AGTR1: variants seen among roughly 807,000 people sequenced by gnomAD.
AGTR1 encodes the protein angiotensin II receptor type 1.
Under a neutral mutation model 19.4 loss-of-function variants are expected in AGTR1, and 16 were observed. The ratio of observed to expected loss-of-function variants is 0.82; its 90% confidence interval spans 0.56 to 1.25. The LOEUF (loss-of-function observed/expected upper bound fraction) is 1.25. AGTR1 is among the 50% of genes most tolerant of loss of function. The pLI is 0.00. For missense variants in AGTR1, 373 were observed against 431.9 expected (o/e 0.86, Z 1.21); for synonymous variants, 153 against 154.9 (o/e 0.99, Z 0.09).
chr3:148,726,500 C>T (rs1713951934), intron 2 of AGTR1, among the ~76,000 whole-genome samples: 1 of 152,192 alleles, frequency 6.6e-6, no homozygotes, highest in South Asian at 2.1e-4. Context: ...AGCCAACATG[C>T]CTGGCCTGCA....
chr3:148,720,507 A>G (rs1021859805), intron 2 of AGTR1, among the ~76,000 whole-genome samples: 1 of 152,200 alleles, frequency 6.6e-6, no homozygotes, highest in Non-Finnish European at 1.5e-5. Context: ...TATATTAACA[A>G]GCTGTAGCAT....
At chr3:148,709,808 C>T (rs950341149) in intron 2 of AGTR1, among the ~76,000 whole-genome samples, 1 of 152,138 alleles carries the variant, frequency 6.6e-6, no homozygotes, top group African/African-American at 2.4e-5. Flanking sequence ...ATGTAAACAG[C>T]ACTTCAGAGC....
At position 148,742,421 on chromosome 3, in the gene AGTR1, G is replaced by A. The variant is rs1483616249; in HGVS notation, c.*306G>A. 1 of 459,172 alleles carries A rather than the reference G, an allele frequency of 2.2e-6. No homozygotes were observed. 28.4% of individuals were successfully genotyped at this position (459,172 alleles called of 1,614,324 possible). Reference sequence around the variant, plus strand: ...GACAGAAATGCAATCTCCCTAGCCTGCTTTTGTCCTGTTATTTTTTATTTC... The same window carrying A: ...GACAGAAATGCAATCTCCCTAGCCTACTTTTGTCCTGTTATTTTTTATTTC... On this transcript the variant is annotated 3_prime_UTR_variant, in exon 3 of 3. Coordinates refer to ENST00000349243, the MANE Select transcript of AGTR1 (RefSeq NM_000685.5).
chr3:148,701,899 T>G (rs1712369305), intron 1 of AGTR1, among the ~76,000 whole-genome samples: 1 of 152,162 alleles, frequency 6.6e-6, no homozygotes, highest in Admixed American at 6.5e-5. Context: ...GAAATTTTAT[T>G]TAGTTCAATG....
chr3:148,720,464 A>C (rs1343237206), intron 2 of AGTR1, among the ~76,000 whole-genome samples: 1 of 152,218 alleles, frequency 6.6e-6, no homozygotes, highest in East Asian at 1.9e-4. Flanking sequence ...GCCTCTTGCA[A>C]ACTTTTAACA....
chr3:148,722,491 A>G (rs1385974282), intron 2 of AGTR1, among the ~76,000 whole-genome samples: 1 of 152,166 alleles, frequency 6.6e-6, no homozygotes, highest in Non-Finnish European at 1.5e-5. Flanking sequence ...TGAATACTTC[A>G]TGCTTCATCC....
At chr3:148,711,371 T>C (rs1712974662) in intron 2 of AGTR1, among the ~76,000 whole-genome samples, 1 of 152,166 alleles carries the variant, frequency 6.6e-6, no homozygotes, top group Non-Finnish European at 1.5e-5. Context: ...AATAGCTATA[T>C]AACTAGCTGT....
At position 148,742,205 on chromosome 3, in the gene AGTR1, G is replaced by A. The variant is rs564742245; in HGVS notation, c.*90G>A. ...GCACTTCACTACCAAATGAGCATTA[G>A]CTACTTTTCAGAATTGAAGGAGAAA... On this transcript the variant is annotated 3_prime_UTR_variant, in exon 3 of 3. Transcript: ENST00000349243. 1 of 1,527,698 alleles carries A rather than the reference G, an allele frequency of 6.5e-7. No individual in the cohort carries two copies. Among genetic ancestry groups the A allele is most frequent in the East Asian group, 2.3e-5 (1 of 44,440 alleles). 94.6% of individuals were successfully genotyped at this position (1,527,698 alleles called of 1,614,324 possible). A position where few individuals can be genotyped will look rare whatever the true frequency, so the allele number is the denominator to read the frequency against.
chr3:148,732,871 GCTGGGACTACAGGCGCC>G (rs2107963566), intron 2 of AGTR1, among the ~76,000 whole-genome samples: 1 of 148,924 alleles, frequency 6.7e-6, no homozygotes, highest in Non-Finnish European at 1.5e-5. Flanking sequence ...CTCCCAAGTA[GCTGGGACTACAGGCGCC>G]CGCCACTACG....
At chr3:148,730,148 T>C in intron 2 of AGTR1, 1 of 398,260 alleles carries the variant, frequency 2.5e-6, no homozygotes, top group Non-Finnish European at 4.4e-6. Context: ...ATCCTCATCG[T>C]GAACATTATT....
chr3:148,734,583 A>G (rs976838283), intron 2 of AGTR1, among the ~76,000 whole-genome samples: 4 of 152,224 alleles, frequency 2.6e-5, no homozygotes, highest in East Asian at 1.9e-4. Context: ...TGACATTAAT[A>G]ATTTTAATAA....
chr3:148,741,481 G>T lies in AGTR1; in HGVS notation c.446G>T (p.Cys149Phe). The T allele has an allele frequency of 1.9e-6, 3 of 1,613,296 alleles. No individual in the cohort carries two copies. The highest frequency in any genetic ancestry group is 2.5e-6 in the Non-Finnish European group (3 of 1,180,022). ...ACAATGCTTGTAGCCAAAGTCACCT[G>T]CATCATCATTTGGCTGCTGGCAGGC... Reference protein sequence around the residue: ...RRTMLVAKVTCIIIWLLAGLA... With the variant: ...RRTMLVAKVTFIIIWLLAGLA... The change falls in exon 3 of 3, where the codon TGC becomes TTC. Residue 149 changes from cysteine (C) to phenylalanine (F), a missense_variant. Coordinates refer to ENST00000349243, the MANE Select transcript of AGTR1 (RefSeq NM_000685.5).
chr3:148,721,526 G>C (rs998171796), intron 2 of AGTR1, among the ~76,000 whole-genome samples: 15 of 152,200 alleles, frequency 9.9e-5, no homozygotes, highest in African/African-American at 3.1e-4. Flanking sequence ...GTTTTCAAGA[G>C]AGTGGACATC....
rs771050115 is a variant in AGTR1 at position 148,741,911 on chromosome 3, T to C, written c.876T>C (p.Tyr292=). Residue 292 remains tyrosine, a synonymous_variant, in exon 3 of 3, where the codon TAT becomes TAC. Transcript: ENST00000349243. ...TAMPITICIA[Y]FNNCLNPLFY... ...TGCCTATCACCATTTGTATAGCTTA[T>C]TTTAACAATTGCCTGAATCCTCTTT... The C allele has an allele frequency of 1.9e-6, 3 of 1,614,188 alleles. No homozygotes were observed. In the South Asian group the frequency reaches 3.3e-5, roughly 18 times the overall value.
chr3:148,703,837 A>C (rs957562148), intron 1 of AGTR1, among the ~76,000 whole-genome samples: 3 of 152,120 alleles, frequency 2.0e-5, no homozygotes, highest in African/African-American at 4.8e-5. Flanking sequence ...TTTTTTTAAA[A>C]AAAGCAAACA....
chr3:148,741,369 C>G lies in AGTR1; in HGVS notation c.334C>G (p.Leu112Val). Residue 112 changes from leucine to valine, a missense_variant, in exon 3 of 3, where the codon CTG becomes GTG. Transcript: ENST00000349243. ...TGCTTCAGCCAGCGTCAGTTTCAAC[C>G]TGTACGCTAGTGTGTTTCTACTCAC... The part of the protein sequence containing the change: ...KIASASVSFN[L>V]YASVFLLTCL... 6.2e-7 allele frequency: 1 copy of G among 1,604,992 alleles called. No homozygotes were observed. The highest frequency in any genetic ancestry group is 8.5e-7 in the Non-Finnish European group (1 of 1,179,268).
chr3:148,740,628 G>A (rs1008097257), intron 2 of AGTR1, among the ~76,000 whole-genome samples: 1 of 152,092 alleles, frequency 6.6e-6, no homozygotes, highest in Non-Finnish European at 1.5e-5. Flanking sequence ...AAGTCTTTCT[G>A]AAAAACTAAT....
chr3:148,725,078 T>C (rs1713852394), intron 2 of AGTR1, among the ~76,000 whole-genome samples: 2 of 152,176 alleles, frequency 1.3e-5, no homozygotes, highest in South Asian at 4.1e-4. Flanking sequence ...CATGAAATTC[T>C]ATTAAAAAAC....
intron 2 of AGTR1, among the ~76,000 whole-genome samples, chr3:148,723,540 A>G (rs571632948): frequency 1.3e-5 from 2 of 152,194 alleles, no homozygotes; most frequent in Non-Finnish European, 2.9e-5. Context: ...TCACATAGAG[A>G]CTTCACTTTG....
Sources: allele counts gnomAD v4.1 joint callset (sites outside exome capture counted in the v4.1 genomes callset), GRCh38; gene constraint gnomAD v4.1.1; transcripts MANE v1.5; gene names NCBI Gene and HGNC (gene_info 2026-07-23, HGNC 2026-07-21).